DENND1B: variants seen among roughly 807,000 people sequenced by gnomAD.
The protein encoded by DENND1B is DENN domain containing 1B.
Under a neutral mutation model 90.1 loss-of-function variants are expected in DENND1B, and 59 were observed. That is an observed-to-expected ratio of 0.65 (90% CI 0.53 to 0.81). The LOEUF (loss-of-function observed/expected upper bound fraction) is 0.81. DENND1B is among the 40% of genes least tolerant of loss of function. The probability of loss-of-function intolerance (pLI) is 0.00; values close to 1 mark genes in which losing one functional copy is unlikely to be tolerated. For missense variants in DENND1B, 862 were observed against 912.6 expected, an observed-to-expected ratio of 0.94 and a Z score of 0.71; for synonymous variants, 337 against 324.6, an observed-to-expected ratio of 1.04 and a Z score of -0.41.
At chr1:197,637,981 T>C (rs1356344891) in intron 10 of DENND1B, among the ~76,000 whole-genome samples, 1 of 152,188 alleles carries the variant, frequency 6.6e-6, no homozygotes, top group Non-Finnish European at 1.5e-5. Flanking sequence ...GGTGGCTCCA[T>C]TAAGAGACAA....
intron 2 of DENND1B, among the ~76,000 whole-genome samples, chr1:197,745,685 A>G (rs1663673338): frequency 6.7e-6 from 1 of 149,314 alleles, no homozygotes; most frequent in Non-Finnish European, 1.5e-5. Context: ...TCAAAGTTAT[A>G]TTATCTTGAG....
chr1:197,761,768 T>G lies in DENND1B; in HGVS notation c.82+11100A>C, dbSNP rs373766184. ...TATATATCTGCAGAAGGCTATCAGATGAACTAAACTGGTTGTTGTGTGCTT... is the reference window on the plus strand; with the variant it reads ...TATATATCTGCAGAAGGCTATCAGAGGAACTAAACTGGTTGTTGTGTGCTT... On this transcript the variant is annotated intron_variant, in intron 2 of 22. Coordinates refer to ENST00000620048, the MANE Select transcript of DENND1B (RefSeq NM_001195215.2). 1.6e-4 allele frequency: 25 copies of G among 152,256 alleles called. 1 individual carries two copies. The East Asian group carries it at 2.3e-3, about 14-fold the overall frequency. The allele number at this position is 152,256 out of a possible 1,614,324, so 9.4% of individuals were successfully genotyped here.
At chr1:197,526,944 G>C (rs988471435) in intron 20 of DENND1B, among the ~76,000 whole-genome samples, 56 of 152,208 alleles carry the variant, frequency 3.7e-4, no homozygotes, top group African/African-American at 1.1e-3. Flanking sequence ...TTTAAGGAAA[G>C]TACTACATAA....
In DENND1B at chr1:197,607,001, A is replaced by G. The variant is rs766188378; in HGVS notation, c.921+72T>C. On this transcript the variant is annotated intron_variant, in intron 13 of 22. Coordinates refer to ENST00000620048, the MANE Select transcript of DENND1B (RefSeq NM_001195215.2). The stretch of plus-strand genomic sequence containing the variant: ...TTTTATTTCAGATATTAAAAGTGGG[A>G]AAAATAACTTAGTAATTCAGAGGTC... The G allele has an allele frequency of 1.9e-5, 22 of 1,142,600 alleles. No homozygotes were observed. The Admixed American group carries it at 4.3e-4, about 23-fold the overall frequency. 70.8% of individuals were successfully genotyped at this position (1,142,600 alleles called of 1,614,324 possible). A position where few individuals can be genotyped will look rare whatever the true frequency, so the allele number is the denominator to read the frequency against.
At chr1:197,544,961 A>AGAGAGAAG (rs1231217468) in intron 18 of DENND1B, among the ~76,000 whole-genome samples, 11 of 898 alleles carry the variant, frequency 0.012, no homozygotes, top group Non-Finnish European at 0.019. Flanking sequence ...AGAAGGGAGA[A>AGAGAGAAG]GGAGAAGGAG....
chr1:197,557,271 T>C (rs770001203), intron 15 of DENND1B, among the ~76,000 whole-genome samples: 1 of 151,932 alleles, frequency 6.6e-6, no homozygotes, highest in African/African-American at 2.4e-5. Flanking sequence ...GTGAAAGTAA[T>C]ACATTACTGA....
chr1:197,600,452 C>T (rs538168791), intron 13 of DENND1B, among the ~76,000 whole-genome samples: 6 of 151,654 alleles, frequency 4.0e-5, no homozygotes, highest in Non-Finnish European at 7.4e-5. Flanking sequence ...GATATGAATA[C>T]CCCTCTGTGG....
chr1:197,745,030 A>T (rs1028015752), intron 2 of DENND1B, among the ~76,000 whole-genome samples: 7 of 152,282 alleles, frequency 4.6e-5, no homozygotes, highest in South Asian at 2.1e-4. Context: ...GCCTTCACAA[A>T]ATTGAAGAGA....
intron 20 of DENND1B, among the ~76,000 whole-genome samples, chr1:197,524,393 A>T (rs916062982): frequency 3.3e-5 from 5 of 152,166 alleles, no homozygotes; most frequent in African/African-American, 9.7e-5. Flanking sequence ...TATTTTATAG[A>T]TCTGAGGGCT....
At chr1:197,701,346 G>A (rs1473192482) in intron 3 of DENND1B, among the ~76,000 whole-genome samples, 5 of 152,212 alleles carry the variant, frequency 3.3e-5, no homozygotes, top group South Asian at 2.1e-4. Flanking sequence ...ACCAAACACC[G>A]TATTTTCTCA....
chr1:197,569,661 T>G (rs1672986996), intron 15 of DENND1B, among the ~76,000 whole-genome samples: 1 of 151,968 alleles, frequency 6.6e-6, no homozygotes, highest in Admixed American at 6.6e-5. Flanking sequence ...TGATTCAATC[T>G]GGAGGACATT....
chr1:197,676,827 T>A (rs1337610118), intron 3 of DENND1B, among the ~76,000 whole-genome samples: 1 of 152,076 alleles, frequency 6.6e-6, no homozygotes, highest in Non-Finnish European at 1.5e-5. Flanking sequence ...GGGTTTTGGG[T>A]TCCATACCAG....
intron 2 of DENND1B, among the ~76,000 whole-genome samples, chr1:197,766,175 T>C (rs1321324530): frequency 2.0e-5 from 3 of 152,320 alleles, no homozygotes; most frequent in Admixed American, 2.0e-4. Flanking sequence ...CCTCAAGGGA[T>C]TCTCCCACCT....
chr1:197,627,259 C>T (rs1678846693), intron 10 of DENND1B, among the ~76,000 whole-genome samples: 1 of 152,138 alleles, frequency 6.6e-6, no homozygotes, highest in East Asian at 1.9e-4. Flanking sequence ...CCTTGATGAA[C>T]ATTGATGCAA....
intron 3 of DENND1B, among the ~76,000 whole-genome samples, chr1:197,681,605 C>G (rs777935592): frequency 6.6e-6 from 1 of 152,166 alleles, no homozygotes; most frequent in Non-Finnish European, 1.5e-5. Context: ...TTGTCTTCAA[C>G]TATCTTGACA....
In DENND1B at chr1:197,626,054, T is replaced by C. The variant is rs369546609; in HGVS notation, c.673-8295A>G. On this transcript the variant is annotated intron_variant, in intron 10 of 22. Transcript: ENST00000620048. ...TAAGTGACCTACAAAGAGACTTAGA[T>C]TCCCACACAATAATAATGGGAGACT... 5.5e-4 allele frequency among the ~76,000 whole-genome samples: 83 copies of C among 151,928 alleles called. No homozygotes were observed. In the East Asian group the frequency reaches 0.014, roughly 25 times the overall value.
chr1:197,614,549 T>C (rs1309413171), intron 11 of DENND1B, among the ~76,000 whole-genome samples: 1 of 151,006 alleles, frequency 6.6e-6, no homozygotes, highest in African/African-American at 2.4e-5. Context: ...GTCCTAAATC[T>C]TTCTTTCAAT....
chr1:197,586,977 G>C (rs184778952), intron 14 of DENND1B, among the ~76,000 whole-genome samples: 9 of 152,258 alleles, frequency 5.9e-5, no homozygotes, highest in Admixed American at 2.0e-4. Flanking sequence ...ATTTAGCTAA[G>C]TGCAATTTTT....
intron 5 of DENND1B, among the ~76,000 whole-genome samples, chr1:197,661,897 A>C (rs1553318472): frequency 6.6e-6 from 1 of 152,034 alleles, no homozygotes; most frequent in Non-Finnish European, 1.5e-5. Flanking sequence ...GATAAATATA[A>C]TTTATCTGTA....
Sources: allele counts gnomAD v4.1 joint callset (sites outside exome capture counted in the v4.1 genomes callset), GRCh38; gene constraint gnomAD v4.1.1; transcripts MANE v1.5; gene names NCBI Gene and HGNC (gene_info 2026-07-23, HGNC 2026-07-21).